The following DLG1 variants were observed in gnomAD, a reference collection of about 807,000 sequenced individuals.
The protein encoded by DLG1 is discs large MAGUK scaffold protein 1.
A neutral mutation model predicts 123.4 loss-of-function variants in DLG1; 42 were observed. The observed-to-expected ratio is 0.34, with a 90% confidence interval of 0.27 to 0.44. The LOEUF (loss-of-function observed/expected upper bound fraction) is 0.44, where lower values mean the gene tolerates loss of function less well. DLG1 is among the 20% of genes least tolerant of loss of function. The probability of loss-of-function intolerance (pLI) is 1.00; values close to 1 mark genes in which losing one functional copy is unlikely to be tolerated. For missense variants in DLG1, 942 were observed against 1,082.6 expected (o/e 0.87, Z 1.82); for synonymous variants, 317 against 356.2 (o/e 0.89, Z 1.24).
At chr3:197,299,269 G>C (rs79819869), upstream of DLG1, 2 of 152,192 alleles carry the variant, frequency 1.3e-5, no homozygotes, top group African/African-American at 2.4e-5. Flanking sequence ...GAGAGAATTT[G>C]CCCAAAGTTA....
In DLG1 at chr3:197,195,192, G is replaced by A. The variant is rs140300699; in HGVS notation, c.319-603C>T. ...TAAAATATTCTTTCCCATCACCCTC[G>A]AATAAACCTACTCATAAAGAAAAGA... On this transcript the variant is annotated intron_variant, in intron 4 of 24. Coordinates refer to ENST00000667157, the MANE Select transcript of DLG1 (RefSeq NM_001366207.1). Among the ~76,000 whole-genome samples the A allele has an allele frequency of 4.0e-5, 6 of 149,932 alleles. 1 individual carries two copies. In the South Asian group the frequency reaches 6.3e-4, roughly 16 times the overall value.
chr3:197,238,297 C>G (rs1368607711), intron 4 of DLG1, among the ~76,000 whole-genome samples: 1 of 152,144 alleles, frequency 6.6e-6, no homozygotes, highest in Non-Finnish European at 1.5e-5. Context: ...AAAAGACAAT[C>G]AGGAGATGCC....
At chr3:197,285,945 TACTA>T (rs1225952679) in intron 3 of DLG1, among the ~76,000 whole-genome samples, 3 of 152,260 alleles carry the variant, frequency 2.0e-5, no homozygotes, top group African/African-American at 7.2e-5. Context: ...AGTAGCTTTA[TACTA>T]ACTGATAAAA....
At chr3:197,213,430 A>G (rs1373460237) in intron 4 of DLG1, among the ~76,000 whole-genome samples, 1 of 152,202 alleles carries the variant, frequency 6.6e-6, no homozygotes, top group African/African-American at 2.4e-5. Flanking sequence ...AATACCAAGG[A>G]GCACAATCTT....
intron 4 of DLG1, among the ~76,000 whole-genome samples, chr3:197,264,212 G>C (rs543262201): frequency 6.6e-6 from 1 of 152,114 alleles, no homozygotes; most frequent in African/African-American, 2.4e-5. Context: ...TCTAATCTCT[G>C]TGACCTCAAA....
At chr3:197,251,816 A>G (rs979690815) in intron 4 of DLG1, among the ~76,000 whole-genome samples, 1 of 152,216 alleles carries the variant, frequency 6.6e-6, no homozygotes, top group Non-Finnish European at 1.5e-5. Flanking sequence ...AAACAACTTA[A>G]TAGCAAAAAA....
chr3:197,135,746 T>C lies in DLG1; in HGVS notation c.1020+796A>G, dbSNP rs533404472. 3.9e-5 allele frequency among the ~76,000 whole-genome samples: 6 copies of C among 152,222 alleles called. No individual in the cohort carries two copies. In the South Asian group the frequency reaches 1.0e-3, roughly 26 times the overall value. ...GAGATGAAAGTCTCATACAGTGCAA[T>C]AGTGTTTTGAAAAAGCTTCAAAACA... On this transcript the variant is annotated intron_variant, in intron 10 of 24. Coordinates refer to ENST00000667157, the MANE Select transcript of DLG1 (RefSeq NM_001366207.1).
chr3:197,065,051 C>T (rs58804762), intron 22 of DLG1, among the ~76,000 whole-genome samples: 3,314 of 151,634 alleles, frequency 0.022, 105 homozygotes, highest in African/African-American at 0.074. Flanking sequence ...AAAATAACTT[C>T]TCTTACATTC....
chr3:197,181,090 C>T (rs1240275203), intron 5 of DLG1, among the ~76,000 whole-genome samples: 6 of 151,974 alleles, frequency 3.9e-5, no homozygotes, highest in Admixed American at 3.3e-4. Context: ...ACATGAATAC[C>T]TCCAGCAGAC....
chr3:197,297,631 G>C (rs937372313), intron 1 of DLG1: 24 of 999,746 alleles, frequency 2.4e-5, no homozygotes, highest in Non-Finnish European at 2.7e-5. Flanking sequence ...GGACCAGCGG[G>C]ACTGGCCGCC....
intron 4 of DLG1, among the ~76,000 whole-genome samples, chr3:197,203,848 G>C (rs1353362270): frequency 6.6e-6 from 1 of 152,218 alleles, no homozygotes; most frequent in African/African-American, 2.4e-5. Context: ...CAGTAAAAGT[G>C]CACAAACTGA....
chr3:197,068,331 G>A (rs142601169), intron 19 of DLG1, among the ~76,000 whole-genome samples: 1 of 152,028 alleles, frequency 6.6e-6, no homozygotes, highest in East Asian at 1.9e-4. Flanking sequence ...CCCTATAGTG[G>A]GTTCTGGTTA....
chr3:197,258,661 T>C (rs992462319), intron 4 of DLG1, among the ~76,000 whole-genome samples: 2 of 152,146 alleles, frequency 1.3e-5, no homozygotes, highest in African/African-American at 2.4e-5. Flanking sequence ...TTAAAACACA[T>C]ATAGAATCAC....
chr3:197,209,275 G>A (rs1427792837), intron 4 of DLG1, among the ~76,000 whole-genome samples: 1 of 146,448 alleles, frequency 6.8e-6, no homozygotes, highest in African/African-American at 2.4e-5. Context: ...CAGACTTCAA[G>A]ACAGAGTATT....
intron 5 of DLG1, among the ~76,000 whole-genome samples, chr3:197,165,182 A>C (rs1800813167): frequency 2.6e-5 from 4 of 152,198 alleles, no homozygotes; most frequent in Admixed American, 2.6e-4. Flanking sequence ...AGGAATACAC[A>C]GTGGCGTTAT....
intron 4 of DLG1, among the ~76,000 whole-genome samples, chr3:197,227,361 G>A (rs1045768804): frequency 6.6e-6 from 1 of 151,984 alleles, no homozygotes; most frequent in African/African-American, 2.4e-5. Flanking sequence ...TGTAGTCCCA[G>A]CTACTTGGGG....
In DLG1 at chr3:197,203,300, C is replaced by T. The variant is rs1038917969; in HGVS notation, c.319-8711G>A. Among the ~76,000 whole-genome samples, 10 of 152,134 alleles carry T rather than the reference C, an allele frequency of 6.6e-5. 1 individual carries two copies. Among genetic ancestry groups the T allele is most frequent in the African/African-American group, 2.2e-4 (9 of 41,520 alleles). On this transcript the variant is annotated intron_variant, in intron 4 of 24. Coordinates refer to ENST00000667157, the MANE Select transcript of DLG1 (RefSeq NM_001366207.1). ...AGTAAAATTTGTAAAATCTCCATCT[C>T]GTAAAATACTTAGAAAACTGTGTCA...
At chr3:197,144,891 G>T (rs996954967) in intron 6 of DLG1, among the ~76,000 whole-genome samples, 2 of 152,202 alleles carry the variant, frequency 1.3e-5, no homozygotes, top group South Asian at 2.1e-4. Flanking sequence ...ATCATAGCTC[G>T]TTGCAGCCTC....
intron 24 of DLG1, among the ~76,000 whole-genome samples, chr3:197,046,522 C>A (rs1344721636): frequency 1.3e-5 from 2 of 152,088 alleles, no homozygotes; most frequent in African/African-American, 4.8e-5. Flanking sequence ...GAACCTAAAT[C>A]GAATTATGAG....
Sources: gnomAD v4.1 joint callset for allele counts (sites outside exome capture counted in the v4.1 genomes callset) on GRCh38, gnomAD v4.1.1 for gene constraint, MANE v1.5 for transcripts, NCBI Gene and HGNC (gene_info 2026-07-23, HGNC 2026-07-21) for gene names.